Variants in DISC1 observed in about 807,000 individuals in gnomAD.
DISC1 encodes DISC1 scaffold protein.
Under a neutral mutation model 84.5 loss-of-function variants are expected in DISC1, and 57 were observed. The observed-to-expected ratio is 0.67, with a 90% CI of 0.55 to 0.84. The LOEUF is 0.84. Among genes scored for constraint, DISC1 ranks in the 40% least tolerant of loss-of-function variants. DISC1 has a pLI of 0.00. For synonymous variants in DISC1, 411 were observed against 415.2 expected, an observed-to-expected ratio of 0.99 and a Z score of 0.12; for missense variants, 1,000 against 1,057.8, an observed-to-expected ratio of 0.95 and a Z score of 0.76.
intron 3 of DISC1, among the ~76,000 whole-genome samples, chr1:231,726,009 A>G (rs890305956): frequency 4.6e-5 from 7 of 152,148 alleles, no homozygotes; most frequent in African/African-American, 1.2e-4. Flanking sequence ...TTCCTCCTCC[A>G]GCCTTGCAGT....
rs1254636746 is a variant in DISC1, at chr1:231,771,022, C to T, written c.1586C>T (p.Ser529Leu). Residue 529 changes from serine (S) to leucine (L), a missense_variant, in exon 6 of 13, where the codon TCA becomes TTA. This residue lies in a region of DISC1 where 397 missense variants were observed against 377.5 expected (regional missense o/e 1.05). Coordinates refer to ENST00000439617, the MANE Select transcript of DISC1 (RefSeq NM_018662.3). The stretch of plus-strand genomic sequence containing the variant: ...AAGGCCTTGCAGGACACCCTGGCCT[C>T]AGCCGGTCAGATTCCCTTCCATGCA... ...VSKALQDTLA[S>L]AGQIPFHAEP... 1.9e-6 allele frequency: 3 copies of T among 1,611,208 alleles called. No individual in the cohort carries two copies. In the South Asian group the frequency reaches 3.3e-5, roughly 18 times the overall value.
intron 1 of DISC1, among the ~76,000 whole-genome samples, chr1:231,683,344 G>A (rs554857581): frequency 2.0e-5 from 3 of 152,096 alleles, no homozygotes; most frequent in African/African-American, 7.2e-5. Flanking sequence ...CACCAATACC[G>A]GAGGCCCATC....
rs1156522612 is a variant in DISC1, at chr1:232,037,159, T to A, written c.*328T>A. The A allele has an allele frequency of 5.7e-6, 1 of 174,844 alleles. No individual in the cohort carries two copies. The highest frequency in any genetic ancestry group is 6.3e-5 in the Admixed American group (1 of 15,992). The allele number at this position is 174,844 out of a possible 1,614,324, so 10.8% of individuals were successfully genotyped here. A position where few individuals can be genotyped will look rare whatever the true frequency, so the allele number is the denominator to read the frequency against. On this transcript the variant is annotated 3_prime_UTR_variant, in exon 13 of 13. Coordinates refer to ENST00000439617, the MANE Select transcript of DISC1 (RefSeq NM_018662.3). Reference sequence around the variant, plus strand: ...CCCATTAGAGAGAAGTTGGGGTGAATTCTGGAAAAATGTCTCTTTTTCCTG... The same window carrying A: ...CCCATTAGAGAGAAGTTGGGGTGAAATCTGGAAAAATGTCTCTTTTTCCTG...
At chr1:231,840,605 A>G (rs1706551090) in intron 9 of DISC1, among the ~76,000 whole-genome samples, 1 of 152,142 alleles carries the variant, frequency 6.6e-6, no homozygotes, top group African/African-American at 2.4e-5. Flanking sequence ...AGAGACCTCT[A>G]AGGGCAGGGT....
At chr1:232,028,202 T>C (rs1414060698) in intron 12 of DISC1, among the ~76,000 whole-genome samples, 1 of 152,012 alleles carries the variant, frequency 6.6e-6, no homozygotes, top group East Asian at 1.9e-4. Context: ...TTCCAGCAAA[T>C]GGGCAGGTGA....
intron 6 of DISC1, chr1:231,774,919 C>T (rs1184504211): frequency 2.7e-6 from 1 of 369,008 alleles, no homozygotes; most frequent in African/African-American, 2.1e-5. Context: ...AAAATGCTGA[C>T]TTAGGGATAA....
chr1:231,637,112 T>C (rs1359716887), intron 1 of DISC1, among the ~76,000 whole-genome samples: 3 of 152,246 alleles, frequency 2.0e-5, no homozygotes, highest in Non-Finnish European at 2.9e-5. Flanking sequence ...GCTTCATCCA[T>C]GTCCCTGCAA....
chr1:231,933,126 A>G (rs1242299839), intron 9 of DISC1, among the ~76,000 whole-genome samples: 2 of 152,188 alleles, frequency 1.3e-5, no homozygotes, highest in Non-Finnish European at 2.9e-5. Flanking sequence ...TTGACTCCTT[A>G]TAGACACTCT....
rs188826407 is a variant in DISC1, at chr1:232,030,187, G to A, written c.2425+3635G>A. 1.5e-3 allele frequency among the ~76,000 whole-genome samples: 226 copies of A among 152,338 alleles called. 2 individuals carry two copies. Among genetic ancestry groups the A allele is most frequent in the African/African-American group, 5.2e-3 (215 of 41,586 alleles). On this transcript the variant is annotated intron_variant, in intron 12 of 12. Transcript: ENST00000439617. The stretch of plus-strand genomic sequence containing the variant: ...CAAGTCGGGACTTCCAGGAGCATTA[G>A]TGTGAGTCTCTAGTGCATTTTCACA...
At chr1:231,799,313 A>G (rs1034789071) in intron 7 of DISC1, among the ~76,000 whole-genome samples, 25 of 152,232 alleles carry the variant, frequency 1.6e-4, no homozygotes, top group Admixed American at 5.9e-4. Context: ...AACAGTGTCT[A>G]TTAATACTAG....
Position 231,818,452 on chromosome 1 carries a change from T to C in DISC1, c.1916T>C (p.Leu639Pro). The change falls in exon 9 of 13, where the codon CTG becomes CCG. Residue 639 changes from leucine to proline, a missense_variant. Leu to Pro is a moderately conservative substitution (Grantham distance 98). Around this residue, in one of 3 missense-constraint regions of DISC1, gnomAD observed 397 missense variants for 377.5 expected, o/e 1.05. Transcript: ENST00000439617. ...LVLSSRNVKK[L>P]GSVKEDYNRL... ...TTGAGTTCCAGGAATGTCAAAAAGCTGGGAAGTGTTAAAGAAGATTACAAC... is the reference window on the plus strand; with the variant it reads ...TTGAGTTCCAGGAATGTCAAAAAGCCGGGAAGTGTTAAAGAAGATTACAAC... 1 of 1,614,176 alleles carries C rather than the reference T, an allele frequency of 6.2e-7. No homozygotes were observed. Among genetic ancestry groups the C allele is most frequent in the Admixed American group, 1.7e-5 (1 of 60,026 alleles).
chr1:232,003,649 C>A (rs982423283), intron 10 of DISC1, among the ~76,000 whole-genome samples: 2 of 151,948 alleles, frequency 1.3e-5, no homozygotes, highest in South Asian at 2.1e-4. Flanking sequence ...TCTTTTTGGA[C>A]ATATATGGAA....
intron 11 of DISC1, among the ~76,000 whole-genome samples, chr1:232,019,109 T>C (rs1331824255): frequency 6.6e-6 from 1 of 152,154 alleles, no homozygotes; most frequent in Non-Finnish European, 1.5e-5. Flanking sequence ...GGCCAGGACC[T>C]CATCATCTGG....
At chr1:231,862,130 G>A (rs988623890) in intron 9 of DISC1, among the ~76,000 whole-genome samples, 9 of 152,048 alleles carry the variant, frequency 5.9e-5, no homozygotes, top group Admixed American at 2.0e-4. Context: ...ATTACTTTAC[G>A]GATGATAAAA....
At chr1:231,651,372 G>A (rs932114114) in intron 1 of DISC1, among the ~76,000 whole-genome samples, 1 of 152,188 alleles carries the variant, frequency 6.6e-6, no homozygotes, top group African/African-American at 2.4e-5. Context: ...TCCAGACCCT[G>A]TTTGCCTGGG....
In DISC1 at chr1:231,707,301, A is replaced by G. The variant is rs536762959; in HGVS notation, c.1117+5277A>G. Among the ~76,000 whole-genome samples the G allele has an allele frequency of 2.8e-4, 43 of 152,326 alleles. 1 individual carries two copies. Among genetic ancestry groups the G allele is most frequent in the African/African-American group, 8.4e-4 (35 of 41,582 alleles). On this transcript the variant is annotated intron_variant, in intron 3 of 12. Coordinates refer to ENST00000439617, the MANE Select transcript of DISC1 (RefSeq NM_018662.3). ...ATGTCTGCACAGAAAAAAAGCAAAC[A>G]TGACCACCAGTGCAATTTCCACCTG...
rs181993775 is a variant in DISC1, at chr1:231,656,569, C to T, written c.67+29635C>T. ...CTCAGGATTACTTTGGCTGTCTGTG[C>T]TCTTTTTTTGGTTCTATATGAATTT... On this transcript the variant is annotated intron_variant, in intron 1 of 12. Transcript: ENST00000439617. Among the ~76,000 whole-genome samples the T allele has an allele frequency of 5.4e-3, 818 of 152,176 alleles. 5 individuals are homozygous for T. Among genetic ancestry groups the T allele is most frequent in the Non-Finnish European group, 6.7e-3 (455 of 67,998 alleles).
intron 10 of DISC1, among the ~76,000 whole-genome samples, chr1:232,007,185 G>A (rs560256701): frequency 6.6e-6 from 1 of 152,302 alleles, no homozygotes; most frequent in East Asian, 1.9e-4. Context: ...GAAATGTGGG[G>A]TCAGAGCCCC....
intron 9 of DISC1, among the ~76,000 whole-genome samples, chr1:231,932,878 G>A (rs529796185): frequency 2.0e-5 from 3 of 152,216 alleles, no homozygotes; most frequent in Admixed American, 2.0e-4. Context: ...GAAAAAAATC[G>A]TATTTTGCCT....
Sources: gnomAD v4.1 joint callset for allele counts (sites outside exome capture counted in the v4.1 genomes callset) on GRCh38, gnomAD v4.1.1 for gene constraint, gnomAD v4.1.1 regional missense constraint, MANE v1.5 for transcripts, NCBI Gene and HGNC (gene_info 2026-07-23, HGNC 2026-07-21) for gene names.